SHQ1: variants seen among roughly 807,000 people sequenced by gnomAD.
SHQ1 encodes the protein SHQ1, H/ACA ribonucleoprotein assembly factor, also known as protein SHQ1 homolog.
A neutral mutation model predicts 53.8 loss-of-function variants in SHQ1; 49 were observed. That is an observed-to-expected ratio of 0.91 (90% CI 0.72 to 1.16). SHQ1 has a LOEUF of 1.16. Among genes scored for constraint, SHQ1 ranks in the 50% most tolerant of loss-of-function variants. The pLI, the probability that SHQ1 is intolerant of heterozygous loss-of-function variation, is 0.00. For synonymous variants in SHQ1, 243 were observed against 251.0 expected, an observed-to-expected ratio of 0.97 and a Z score of 0.30; for missense variants, 738 against 683.1, an observed-to-expected ratio of 1.08 and a Z score of -0.90.
intron 10 of SHQ1, among the ~76,000 whole-genome samples, chr3:72,759,211 G>A (rs1384357915): frequency 6.6e-6 from 1 of 152,168 alleles, no homozygotes; most frequent in Non-Finnish European, 1.5e-5. Flanking sequence ...AGGTCACATT[G>A]TGAGGTTCTG....
chr3:72,785,686 A>G (rs1428122478), intron 10 of SHQ1, among the ~76,000 whole-genome samples: 1 of 152,226 alleles, frequency 6.6e-6, no homozygotes, highest in Non-Finnish European at 1.5e-5. Flanking sequence ...AGCTAGAACA[A>G]GAAAATTTGT....
At chr3:72,842,199 A>G in intron 3 of SHQ1, 81 bp downstream of exon 3, 1 of 1,494,034 alleles carries the variant, frequency 6.7e-7, no homozygotes, top group Non-Finnish European at 9.2e-7. Flanking sequence ...CCTATTCACT[A>G]TATCCCATTT....
rs1055433234 is a variant in SHQ1, at chr3:72,815,383, G to A, written c.903C>T (p.Ile301=). The change falls in exon 8 of 11, where the codon ATC becomes ATT. Residue 301 remains isoleucine (I), a synonymous_variant. Coordinates refer to ENST00000325599, the MANE Select transcript of SHQ1 (RefSeq NM_018130.3). ...AGCATAGTGTTGGACTCAGTTTCCTGATATTCCATGCAGATTCAACCTTTA... is the reference window on the plus strand; with the variant it reads ...AGCATAGTGTTGGACTCAGTTTCCTAATATTCCATGCAGATTCAACCTTTA... ...GEKNVESAWN[I]RKLSPTLCWF... is the part of the protein sequence containing the mutation. 1 of 1,613,384 alleles carries A rather than the reference G, an allele frequency of 6.2e-7. No homozygotes were observed. Among genetic ancestry groups the A allele is most frequent in the Non-Finnish European group, 8.5e-7 (1 of 1,179,672 alleles).
intron 10 of SHQ1, among the ~76,000 whole-genome samples, chr3:72,789,282 G>A (rs1706361491): frequency 6.6e-6 from 1 of 152,094 alleles, no homozygotes; most frequent in African/African-American, 2.4e-5. Context: ...TATATAAAAA[G>A]GTGCCAACTA....
At chr3:72,775,366 CAG>C (rs2106746544) in intron 10 of SHQ1, among the ~76,000 whole-genome samples, 1 of 150,032 alleles carries the variant, frequency 6.7e-6, no homozygotes, top group East Asian at 2.0e-4. Context: ...AAAACTGACT[CAG>C]AGAAATAAAG....
the SHQ1 span, among the ~76,000 whole-genome samples, chr3:72,737,762 TA>T: frequency 1.3e-5 from 2 of 152,254 alleles, no homozygotes; most frequent in African/African-American, 4.8e-5. Flanking sequence ...TTATCCTTTT[TA>T]TTTTTTCTGA....
At chr3:72,811,672 C>G (rs146340293) in intron 9 of SHQ1, among the ~76,000 whole-genome samples, 185 of 152,318 alleles carry the variant, frequency 1.2e-3, no homozygotes, top group African/African-American at 4.2e-3. Context: ...TTTCTTCCCC[C>G]ATCCCCACCA....
chr3:72,795,232 G>C (rs995129530), intron 9 of SHQ1: 1 of 152,222 alleles, frequency 6.6e-6, no homozygotes, highest in Admixed American at 6.5e-5. Context: ...CTGCTAGACT[G>C]ACTGTGAAGA....
intron 6 of SHQ1, 129 bp downstream of exon 6, chr3:72,824,295 G>A: frequency 9.1e-7 from 1 of 1,097,304 alleles, no homozygotes; most frequent in Non-Finnish European, 1.3e-6. Flanking sequence ...TCCAAAATTA[G>A]CAATTCAAAC....
chr3:72,827,326 A>G (rs1209147086), intron 5 of SHQ1, among the ~76,000 whole-genome samples: 1 of 152,150 alleles, frequency 6.6e-6, no homozygotes. Context: ...TATGAGAGTC[A>G]TAAGCATTTA....
At chr3:72,830,924 G>A (rs969024301) in intron 5 of SHQ1, among the ~76,000 whole-genome samples, 1 of 152,190 alleles carries the variant, frequency 6.6e-6, no homozygotes, top group Non-Finnish European at 1.5e-5. Flanking sequence ...AGTTTTAGAA[G>A]AGAGGAGATA....
At chr3:72,774,718 A>T (rs976340207) in intron 10 of SHQ1, among the ~76,000 whole-genome samples, 3 of 152,250 alleles carry the variant, frequency 2.0e-5, no homozygotes, top group African/African-American at 7.2e-5. Flanking sequence ...AGTTACTAAC[A>T]TCTACATGCA....
At chr3:72,809,381 T>C (rs1282438671) in intron 9 of SHQ1, among the ~76,000 whole-genome samples, 2 of 152,018 alleles carry the variant, frequency 1.3e-5, no homozygotes, top group African/African-American at 4.8e-5. Context: ...TTATAGGATA[T>C]ATATTATAGG....
the SHQ1 span, among the ~76,000 whole-genome samples, chr3:72,730,731 C>A: frequency 6.6e-6 from 1 of 152,254 alleles, no homozygotes; most frequent in Admixed American, 6.5e-5. Flanking sequence ...CACTTCATGA[C>A]CAGCAGTACA....
intron 10 of SHQ1, among the ~76,000 whole-genome samples, chr3:72,764,834 T>C (rs139147329): frequency 3.9e-5 from 6 of 152,312 alleles, no homozygotes; most frequent in Non-Finnish European, 7.4e-5. Flanking sequence ...GCTGACACTT[T>C]TCATTCACTC....
At chr3:72,798,167 G>A (rs1706684094) in intron 9 of SHQ1, among the ~76,000 whole-genome samples, 1 of 152,098 alleles carries the variant, frequency 6.6e-6, no homozygotes, top group Non-Finnish European at 1.5e-5. Context: ...ACCATTTTTA[G>A]GCAGTTCACT....
At position 72,749,829 on chromosome 3, in the gene SHQ1, A is replaced by C. The variant is rs1295162901; in HGVS notation, c.*455T>G. 4.5e-6 allele frequency: 1 copy of C among 224,078 alleles called. No individual in the cohort carries two copies. Among genetic ancestry groups the C allele is most frequent in the Non-Finnish European group, 8.9e-6 (1 of 112,588 alleles). The allele number at this position is 224,078 out of a possible 1,614,324, so 13.9% of individuals were successfully genotyped here. On this transcript the variant is annotated 3_prime_UTR_variant, in exon 11 of 11. Transcript: ENST00000325599. ...AGGAAAACAAAAGGTATAAACATTCATTGGTTGAAAAACAATGTCATAAAG... is the reference window on the plus strand; with the variant it reads ...AGGAAAACAAAAGGTATAAACATTCCTTGGTTGAAAAACAATGTCATAAAG...
At chr3:72,781,756 T>C (rs988625856) in intron 10 of SHQ1, among the ~76,000 whole-genome samples, 1 of 152,170 alleles carries the variant, frequency 6.6e-6, no homozygotes, top group Non-Finnish European at 1.5e-5. Context: ...CAGTGGCCTT[T>C]TAAGCTTCTA....
chr3:72,820,958 A>T (rs1707457007), intron 6 of SHQ1, among the ~76,000 whole-genome samples: 1 of 152,116 alleles, frequency 6.6e-6, no homozygotes, highest in Non-Finnish European at 1.5e-5. Flanking sequence ...ATATTTTCTA[A>T]TTTTGTTACT....
Sources: gnomAD v4.1 joint callset for allele counts (sites outside exome capture counted in the v4.1 genomes callset) on GRCh38, gnomAD v4.1.1 for gene constraint, MANE v1.5 for transcripts, NCBI Gene and HGNC (gene_info 2026-07-23, HGNC 2026-07-21) for gene names.